Variants in PCDHA13 observed in about 807,000 individuals in gnomAD.
PCDHA13 encodes the protein protocadherin alpha-13.
In PCDHA13, 54 loss-of-function variants were observed where a neutral mutation model predicts 64.8. That is an observed-to-expected ratio of 0.83 (90% CI 0.67 to 1.04). The LOEUF (loss-of-function observed/expected upper bound fraction) is 1.04. Among genes scored for constraint, PCDHA13 ranks in the 50% least tolerant of loss-of-function variants. The pLI, the probability that PCDHA13 is intolerant of heterozygous loss-of-function variation, is 0.00. For synonymous variants in PCDHA13, 587 were observed against 564.4 expected (o/e 1.04, Z -0.57); for missense variants, 1,248 against 1,254.3 (o/e 0.99, Z 0.08).
chr5:140,982,615 A>G, intron 3 of PCDHA13, 52 bp downstream of exon 3: 1 of 1,596,392 alleles, frequency 6.3e-7, no homozygotes, highest in Non-Finnish European at 8.6e-7. Context: ...AAGTGATCAG[A>G]TGACCTACTT....
intron 3 of PCDHA13, among the ~76,000 whole-genome samples, chr5:140,984,056 G>A (rs569184437): frequency 6.6e-6 from 1 of 152,318 alleles, no homozygotes; most frequent in African/African-American, 2.4e-5. Context: ...TGACAAATCT[G>A]TACCCTCAGT....
At chr5:140,906,963 G>C (rs150934602) in intron 1 of PCDHA13, among the ~76,000 whole-genome samples, 2 of 152,216 alleles carry the variant, frequency 1.3e-5, no homozygotes, top group African/African-American at 4.8e-5. Context: ...TAATGGAATC[G>C]TGGTTGTGTC....
chr5:140,892,408 G>C (rs1323060042), intron 1 of PCDHA13, among the ~76,000 whole-genome samples: 1 of 152,054 alleles, frequency 6.6e-6, no homozygotes, highest in Non-Finnish European at 1.5e-5. Context: ...TCAAGCTTCA[G>C]GTATTCTAGA....
intron 1 of PCDHA13, among the ~76,000 whole-genome samples, chr5:140,918,552 A>G (rs1554198667): frequency 6.6e-6 from 1 of 152,206 alleles, no homozygotes; most frequent in Admixed American, 6.5e-5. Context: ...TGTGCAATTG[A>G]GAAGAATGTA....
chr5:140,915,504 T>C (rs1554196920), intron 1 of PCDHA13, among the ~76,000 whole-genome samples: 1 of 152,136 alleles, frequency 6.6e-6, no homozygotes, highest in Non-Finnish European at 1.5e-5. Context: ...AATACTGTGG[T>C]TTTTGCAGAC....
chr5:140,910,808 G>A (rs535429898), intron 1 of PCDHA13, among the ~76,000 whole-genome samples: 1 of 152,170 alleles, frequency 6.6e-6, no homozygotes, highest in South Asian at 2.1e-4. Flanking sequence ...TGCTTAGTGG[G>A]CCCAAATCAA....
At chr5:140,983,481 T>A (rs782574681) in intron 3 of PCDHA13, among the ~76,000 whole-genome samples, 2 of 152,226 alleles carry the variant, frequency 1.3e-5, no homozygotes, top group Non-Finnish European at 2.9e-5. Context: ...TAATAGTAGT[T>A]ACTAATTATT....
Position 140,883,946 on chromosome 5 carries a change from G to T in PCDHA13, c.1678G>T (p.Asp560Tyr), listed in dbSNP as rs139225969. Reference sequence around the variant, plus strand: ...GCAGGTGTTCGTGCTGGACGAGAACGACAACGCTCCGGCGCTGCTGACGCC... The same window carrying T: ...GCAGGTGTTCGTGCTGGACGAGAACTACAACGCTCCGGCGCTGCTGACGCC... ...TLQVFVLDEN[D>Y]NAPALLTPGA... The change falls in exon 1 of 4, where the codon GAC becomes TAC. Residue 560 changes from aspartate to tyrosine, a missense_variant. Coordinates refer to ENST00000289272, the MANE Select transcript of PCDHA13 (RefSeq NM_018904.3). The T allele has an allele frequency of 1.2e-6, 2 of 1,613,274 alleles. No homozygotes were observed. Among genetic ancestry groups the T allele is most frequent in the Non-Finnish European group, 1.7e-6 (2 of 1,179,852 alleles).
At chr5:140,964,212 A>G (rs1195642946) in intron 1 of PCDHA13, among the ~76,000 whole-genome samples, 11 of 152,244 alleles carry the variant, frequency 7.2e-5, no homozygotes, top group African/African-American at 2.7e-4. Flanking sequence ...TCTTTAGTAC[A>G]ATGTCTTTCA....
At chr5:140,948,823 A>G (rs1554218722) in intron 1 of PCDHA13, among the ~76,000 whole-genome samples, 2 of 151,238 alleles carry the variant, frequency 1.3e-5, no homozygotes, top group African/African-American at 4.8e-5. Flanking sequence ...TATTTCATTA[A>G]TTTCTGCTTT....
intron 2 of PCDHA13, among the ~76,000 whole-genome samples, chr5:140,979,714 T>G (rs1428916313): frequency 4.6e-5 from 7 of 152,270 alleles, no homozygotes; most frequent in African/African-American, 1.7e-4. Context: ...TGATCCAGTA[T>G]CCATGCCATG....
At chr5:140,928,878 G>A (rs1563110550) in intron 1 of PCDHA13, 6 of 1,614,194 alleles carry the variant, frequency 3.7e-6, no homozygotes, top group Non-Finnish European at 4.2e-6. Flanking sequence ...CTGTCCCTCA[G>A]TTACTTCCAG....
rs575381539 is a variant in PCDHA13, at chr5:140,952,919, T to TGAGCAG, written c.2395-26018_2395-26013dup. On this transcript the variant is annotated intron_variant, in intron 1 of 3. Coordinates refer to ENST00000289272, the MANE Select transcript of PCDHA13 (RefSeq NM_018904.3). ...GGAATCAAGCTCATCTTACATGGCA[T>TGAGCAG]GAGCAGGAGCAGGAGCAAGAGAGAG... 2.3e-3 allele frequency among the ~76,000 whole-genome samples: 343 copies of TGAGCAG among 152,172 alleles called. 1 individual carries two copies. Among genetic ancestry groups the TGAGCAG allele is most frequent in the African/African-American group, 7.9e-3 (326 of 41,516 alleles).
chr5:140,886,730 G>A (rs2061105749), intron 1 of PCDHA13, among the ~76,000 whole-genome samples: 1 of 150,962 alleles, frequency 6.6e-6, no homozygotes, highest in Non-Finnish European at 1.5e-5. Flanking sequence ...GGAGGCTGAA[G>A]CAAGAGAATT....
intron 1 of PCDHA13, chr5:140,966,420 G>C (rs2096000872): frequency 2.4e-6 from 1 of 421,302 alleles, no homozygotes; most frequent in South Asian, 1.0e-4. Flanking sequence ...AGCAGGACTT[G>C]CTGAGCCCTC....
At chr5:140,975,200 C>T (rs1469690831) in intron 1 of PCDHA13, among the ~76,000 whole-genome samples, 1 of 152,224 alleles carries the variant, frequency 6.6e-6, no homozygotes, top group Non-Finnish European at 1.5e-5. Context: ...GCTCCATCTT[C>T]ATGGCTGGCA....
At chr5:141,006,216 A>T (rs6897376) in intron 3 of PCDHA13, among the ~76,000 whole-genome samples, 45,154 of 145,800 alleles carry the variant, frequency 0.31, 6,982 homozygotes, top group East Asian at 0.44. Context: ...ATTTTTTTTT[A>T]AATTTTTTAT....
In PCDHA13 at chr5:140,883,587, G is replaced by C. The variant is rs1554178846; in HGVS notation, c.1319G>C (p.Ser440Thr). ...GGSPSLWATA[S>T]VSVGVADVND... ...TCGCCTTCGCTGTGGGCCACGGCCA[G>C]CGTGTCGGTGGGGGTGGCCGACGTG... The change falls in exon 1 of 4, where the codon AGC becomes ACC. Residue 440 changes from serine to threonine, a missense_variant. Coordinates refer to ENST00000289272, the MANE Select transcript of PCDHA13 (RefSeq NM_018904.3). 6.2e-7 allele frequency: 1 copy of C among 1,614,030 alleles called. No individual in the cohort carries two copies. Among genetic ancestry groups the C allele is most frequent in the Non-Finnish European group, 8.5e-7 (1 of 1,179,946 alleles).
chr5:140,886,095 T>C (rs1229514130), intron 1 of PCDHA13, among the ~76,000 whole-genome samples: 2 of 152,200 alleles, frequency 1.3e-5, no homozygotes, highest in Non-Finnish European at 2.9e-5. Flanking sequence ...ATATTGACAT[T>C]GATACAGTAA....
Sources: gnomAD v4.1 joint callset for allele counts (sites outside exome capture counted in the v4.1 genomes callset) on GRCh38, gnomAD v4.1.1 for gene constraint, MANE v1.5 for transcripts, NCBI Gene and HGNC (gene_info 2026-07-23, HGNC 2026-07-21) for gene names.